SLC39A11: variants seen among roughly 807,000 people sequenced by gnomAD.
The protein encoded by SLC39A11 is zinc transporter ZIP11.
In SLC39A11, 33 loss-of-function variants were observed where a neutral mutation model predicts 36.1. The observed-to-expected ratio is 0.91, with a 90% CI of 0.69 to 1.22. The LOEUF (loss-of-function observed/expected upper bound fraction) is 1.22, where lower values mean the gene tolerates loss of function less well. Among genes scored for constraint, SLC39A11 ranks in the 50% most tolerant of loss-of-function variants. The pLI, the probability that SLC39A11 is intolerant of heterozygous loss-of-function variation, is 0.00. For missense variants in SLC39A11, 432 were observed against 430.3 expected, an observed-to-expected ratio of 1.00 and a Z score of -0.03; for synonymous variants, 166 against 170.3, an observed-to-expected ratio of 0.97 and a Z score of 0.20.
chr17:72,832,539 A>G (rs1479200124), intron 6 of SLC39A11, among the ~76,000 whole-genome samples: 1 of 152,222 alleles, frequency 6.6e-6, no homozygotes, highest in African/African-American at 2.4e-5. Context: ...TCAGCTGGCA[A>G]TTACCACACT....
intron 5 of SLC39A11, among the ~76,000 whole-genome samples, chr17:72,893,097 C>T (rs980594089): frequency 2.6e-5 from 4 of 152,024 alleles, no homozygotes; most frequent in South Asian, 4.2e-4. Flanking sequence ...TAAACAATAC[C>T]CACTACCAAC....
chr17:72,735,343 G>C (rs144493578), intron 7 of SLC39A11, among the ~76,000 whole-genome samples: 2 of 152,248 alleles, frequency 1.3e-5, no homozygotes, highest in Non-Finnish European at 2.9e-5. Context: ...ACAGTCCTCA[G>C]GGCGCATAAA....
intron 6 of SLC39A11, among the ~76,000 whole-genome samples, chr17:72,834,191 C>G (rs965638097): frequency 3.9e-5 from 6 of 152,258 alleles, no homozygotes; most frequent in African/African-American, 1.2e-4. Context: ...AACACAGTAG[C>G]CACTAGATAC....
At chr17:72,719,847 G>A (rs932666954) in intron 7 of SLC39A11, among the ~76,000 whole-genome samples, 17 of 152,194 alleles carry the variant, frequency 1.1e-4, no homozygotes, top group African/African-American at 3.6e-4. Context: ...GGAAAGGGCC[G>A]CAGCATAAAA....
At chr17:72,719,491 G>A (rs567570041) in intron 7 of SLC39A11, among the ~76,000 whole-genome samples, 28 of 152,282 alleles carry the variant, frequency 1.8e-4, no homozygotes, top group African/African-American at 6.5e-4. Context: ...GAACTAAACC[G>A]CACCCACAGC....
At chr17:72,960,797 G>A (rs2086561255) in intron 4 of SLC39A11, among the ~76,000 whole-genome samples, 1 of 151,584 alleles carries the variant, frequency 6.6e-6, no homozygotes. Flanking sequence ...GCAACATAGT[G>A]AGACCTTGTC....
At chr17:72,762,263 A>G (rs917027163) in intron 6 of SLC39A11, among the ~76,000 whole-genome samples, 1 of 152,260 alleles carries the variant, frequency 6.6e-6, no homozygotes, top group South Asian at 2.1e-4. Context: ...GCAGTAAAGA[A>G]GGCAGCCAAA....
chr17:73,084,437 C>CAAAAAA (rs67639617), intron 3 of SLC39A11, among the ~76,000 whole-genome samples: 2 of 61,658 alleles, frequency 3.2e-5, no homozygotes, highest in African/African-American at 6.6e-5. Context: ...GGCTCTGTCT[C>CAAAAAA]AAAAAAAAAA....
rs531192525 is a variant in SLC39A11, at chr17:73,012,581, G to A, written c.306+18975C>T. On this transcript the variant is annotated intron_variant, in intron 4 of 9. Transcript: ENST00000255559. ...TCTTAGAATCAGGGGGTACGTGTGC[G>A]GGTTTGTTACAAAGGTATATTGTGT... 4.0e-4 allele frequency among the ~76,000 whole-genome samples: 61 copies of A among 151,544 alleles called. 1 individual carries two copies. Among genetic ancestry groups the A allele is most frequent in the African/African-American group, 1.3e-3 (54 of 41,304 alleles).
chr17:73,009,336 C>G (rs2090382312), intron 4 of SLC39A11, among the ~76,000 whole-genome samples: 1 of 121,550 alleles, frequency 8.2e-6, no homozygotes, highest in South Asian at 2.7e-4. Context: ...TCCTGGGGGA[C>G]AGAGCGAGAC....
At chr17:72,997,411 G>A (rs1231059684) in intron 4 of SLC39A11, among the ~76,000 whole-genome samples, 1 of 152,118 alleles carries the variant, frequency 6.6e-6, no homozygotes, top group African/African-American at 2.4e-5. Context: ...CCACCACCAC[G>A]CCCGGCTAAT....
chr17:72,828,858 C>A (rs2078144752), intron 6 of SLC39A11, among the ~76,000 whole-genome samples: 1 of 152,286 alleles, frequency 6.6e-6, no homozygotes, highest in African/African-American at 2.4e-5. Flanking sequence ...GGCTCTGCAC[C>A]CACAGATTTG....
intron 7 of SLC39A11, among the ~76,000 whole-genome samples, chr17:72,665,303 A>G (rs1378661641): frequency 1.3e-5 from 2 of 151,028 alleles, no homozygotes; most frequent in Non-Finnish European, 2.9e-5. Flanking sequence ...CTGAGCCAGG[A>G]CCACTCAGCA....
intron 4 of SLC39A11, among the ~76,000 whole-genome samples, chr17:72,980,411 T>C (rs1385945635): frequency 6.6e-6 from 1 of 152,118 alleles, no homozygotes; most frequent in Non-Finnish European, 1.5e-5. Context: ...GTAGCCTGGA[T>C]AGATGGAGTG....
intron 6 of SLC39A11, among the ~76,000 whole-genome samples, chr17:72,752,277 C>T (rs2087265156): frequency 6.6e-6 from 1 of 152,308 alleles, no homozygotes; most frequent in African/African-American, 2.4e-5. Flanking sequence ...TGGAGTCTCG[C>T]TCTGTCACCC....
At chr17:72,675,830 C>G (rs1273574409) in intron 7 of SLC39A11, among the ~76,000 whole-genome samples, 1 of 152,204 alleles carries the variant, frequency 6.6e-6, no homozygotes, top group African/African-American at 2.4e-5. Context: ...CAAGCACGTA[C>G]CACCATGCCT....
chr17:72,756,608 G>A (rs966100947), intron 6 of SLC39A11, among the ~76,000 whole-genome samples: 6 of 152,238 alleles, frequency 3.9e-5, no homozygotes, highest in African/African-American at 1.4e-4. Context: ...GTAGAATGGT[G>A]GTGGCCAGAA....
intron 7 of SLC39A11, among the ~76,000 whole-genome samples, chr17:72,732,683 A>G (rs546364121): frequency 4.6e-5 from 7 of 152,234 alleles, no homozygotes; most frequent in African/African-American, 1.7e-4. Flanking sequence ...TGTAAGTGCA[A>G]CCGTACTTAA....
At position 72,932,495 on chromosome 17, in the gene SLC39A11, T is replaced by G. The variant is rs553851911; in HGVS notation, c.430+15257A>C. The stretch of plus-strand genomic sequence containing the variant: ...TGTGATGTTCCCCTCCCTGTTTCTA[T>G]GAAACAACCTGTTCTTTTGGTATGG... On this transcript the variant is annotated intron_variant, in intron 5 of 9. Transcript: ENST00000255559. 7.5e-5 allele frequency among the ~76,000 whole-genome samples: 11 copies of G among 147,132 alleles called. No individual in the cohort carries two copies. In the South Asian group the frequency reaches 2.5e-3, roughly 34 times the overall value.
Sources: gnomAD v4.1 joint callset for allele counts (sites outside exome capture counted in the v4.1 genomes callset) on GRCh38, gnomAD v4.1.1 for gene constraint, MANE v1.5 for transcripts, NCBI Gene and HGNC (gene_info 2026-07-23, HGNC 2026-07-21) for gene names.